The following BLMH variants were observed in gnomAD, a reference collection of about 807,000 sequenced individuals.
BLMH encodes bleomycin hydrolase.
A neutral mutation model predicts 61.6 loss-of-function variants in BLMH; 32 were observed. The ratio of observed to expected loss-of-function variants is 0.52; its 90% confidence interval spans 0.39 to 0.70. The LOEUF (loss-of-function observed/expected upper bound fraction) is 0.70. BLMH is among the 30% of genes least tolerant of loss of function. The probability of loss-of-function intolerance (pLI) is 0.00; values close to 1 mark genes in which losing one functional copy is unlikely to be tolerated. For missense variants in BLMH, 460 were observed against 555.5 expected, an observed-to-expected ratio of 0.83 and a Z score of 1.73; for synonymous variants, 183 against 193.8, an observed-to-expected ratio of 0.94 and a Z score of 0.46.
chr17:30,251,963 T>A (rs1240988411), intron 11 of BLMH: 9 of 152,364 alleles, frequency 5.9e-5, no homozygotes, highest in Admixed American at 1.3e-4. Flanking sequence ...AATTATATTA[T>A]GTAAAAAAAT....
chr17:30,286,979 A>T, intron 4 of BLMH, 77 bp from the exon 5 acceptor site: 1 of 905,692 alleles, frequency 1.1e-6, no homozygotes, highest in Non-Finnish European at 1.7e-6. Context: ...TGTTTCAAAA[A>T]ATAGGCGATA....
At chr17:30,273,165 ATTTTTTT>A in intron 7 of BLMH, 1 of 193,318 alleles carries the variant, frequency 5.2e-6, no homozygotes. Flanking sequence ...TCCAAAAGCA[ATTTTTTT>A]TTTTTTTTTT....
rs1908313497 is a variant in BLMH, at chr17:30,272,865, T to G, written c.836A>C (p.Lys279Thr). 6.2e-7 allele frequency: 1 copy of G among 1,614,048 alleles called. No individual in the cohort carries two copies. Among genetic ancestry groups the G allele is most frequent in the Admixed American group, 1.7e-5 (1 of 59,996 alleles). ...CLVNDPRPQH[K>T]YNKLYTVEYL... is the part of the protein sequence containing the mutation. ...TTCCACTGTGTAAAGTTTGTTGTAC[T>G]TGTGCTGGGGCCTAGGGTCATTCAC... Residue 279 changes from lysine (K) to threonine (T), a missense_variant, in exon 8 of 12, where the codon AAG (lysine) becomes ACG (threonine). Lys to Thr is a moderately conservative substitution (Grantham distance 78). This residue lies in a region of BLMH where 310 missense variants were observed against 371.1 expected (regional missense o/e 0.84). Transcript: ENST00000261714.
intron 4 of BLMH, 98 bp downstream of exon 4, chr17:30,287,708 T>G: frequency 1.4e-6 from 2 of 1,404,994 alleles, no homozygotes. Flanking sequence ...GGAGACCAAT[T>G]CTACTCTGTA....
In BLMH at chr17:30,289,391, G is replaced by A; in HGVS notation, c.303C>T (p.Tyr101=). 1 of 1,606,968 alleles carries A rather than the reference G, an allele frequency of 6.2e-7. No homozygotes were observed. The highest frequency in any genetic ancestry group is 8.5e-7 in the Non-Finnish European group (1 of 1,174,350). ...CCCATACCTTGTCCCAAAAAAACAG[G>A]TAAGATTGGCTAAACTCAAATTCTT... The part of the protein sequence containing the change: ...NIEEFEFSQS[Y]LFFWDKVERC... The change falls in exon 3 of 12, where the codon TAC becomes TAT. Residue 101 remains tyrosine (Y), a synonymous_variant. Transcript: ENST00000261714.
Position 30,249,072 on chromosome 17 carries a change from T to G in BLMH, c.1313A>C (p.Glu438Ala), listed in dbSNP as rs777261372. ...TGCTGGCAGGATAATGGGTTCCTGC[T>G]CTAACACAGCTAGCACCTCTTCAGG... ...HVPEEVLAVL[E>A]QEPIILPAWD... is the part of the protein sequence containing the mutation. The change falls in exon 12 of 12, where the codon GAG (glutamate) becomes GCG (alanine). Residue 438 changes from glutamate (E) to alanine (A), a missense_variant. Glu to Ala is a moderately radical substitution (Grantham distance 107). Coordinates refer to ENST00000261714, the MANE Select transcript of BLMH (RefSeq NM_000386.4). 1.2e-6 allele frequency: 2 copies of G among 1,614,094 alleles called. No individual in the cohort carries two copies. The highest frequency in any genetic ancestry group is 3.3e-5 in the Admixed American group (2 of 60,028).
At chr17:30,264,857 G>T (rs867508106) in intron 11 of BLMH, among the ~76,000 whole-genome samples, 9 of 152,130 alleles carry the variant, frequency 5.9e-5, no homozygotes, top group Admixed American at 2.6e-4. Context: ...TTTAAGACAA[G>T]TATCCATCTC....
At chr17:30,263,546 A>T (rs904072350) in intron 11 of BLMH, among the ~76,000 whole-genome samples, 3 of 152,258 alleles carry the variant, frequency 2.0e-5, no homozygotes, top group African/African-American at 7.2e-5. Flanking sequence ...TCCAATTTTC[A>T]GTACAACTGA....
intron 10 of BLMH, among the ~76,000 whole-genome samples, chr17:30,270,125 C>T (rs150536477): frequency 2.3e-4 from 35 of 152,296 alleles, no homozygotes; most frequent in African/African-American, 7.5e-4. Context: ...GAAAATGTGG[C>T]ATAATGATAT....
intron 6 of BLMH, among the ~76,000 whole-genome samples, chr17:30,274,921 G>C (rs986832435): frequency 1.3e-5 from 2 of 151,910 alleles, no homozygotes; most frequent in Non-Finnish European, 2.9e-5. Context: ...AGAAGCTTCA[G>C]TGAGCCATGA....
intron 11 of BLMH, among the ~76,000 whole-genome samples, chr17:30,250,535 G>A (rs1907642598): frequency 6.6e-6 from 1 of 152,158 alleles, no homozygotes; most frequent in African/African-American, 2.4e-5. Context: ...ACCACAATGT[G>A]ATACCACCTT....
intron 6 of BLMH, among the ~76,000 whole-genome samples, chr17:30,279,336 G>A (rs1416288631): frequency 6.6e-6 from 1 of 152,126 alleles, no homozygotes; most frequent in African/African-American, 2.4e-5. Context: ...TTGTCCCCTG[G>A]GGGCAGTTGT....
intron 11 of BLMH, among the ~76,000 whole-genome samples, chr17:30,254,543 G>A (rs941177532): frequency 1.3e-5 from 2 of 152,170 alleles, no homozygotes; most frequent in South Asian, 2.1e-4. Context: ...AAATAGATTA[G>A]AGTGGCATAT....
chr17:30,255,182 A>G (rs1907780471), intron 11 of BLMH, among the ~76,000 whole-genome samples: 1 of 152,198 alleles, frequency 6.6e-6, no homozygotes, highest in African/African-American at 2.4e-5. Flanking sequence ...CACATATATG[A>G]TAGTGGTTCT....
At chr17:30,278,780 A>G (rs1597664924) in intron 6 of BLMH, among the ~76,000 whole-genome samples, 1 of 152,044 alleles carries the variant, frequency 6.6e-6, no homozygotes, top group African/African-American at 2.4e-5. Context: ...AGCATTTCTC[A>G]TGCCTCAGCC....
At chr17:30,281,085 C>CT (rs1908573579) in intron 6 of BLMH, among the ~76,000 whole-genome samples, 2 of 134,510 alleles carry the variant, frequency 1.5e-5, no homozygotes, top group African/African-American at 5.8e-5. Flanking sequence ...TTTGTTGTTT[C>CT]TTTGTTGTTT....
In BLMH at chr17:30,285,419, A is replaced by G. The variant is rs925251273; in HGVS notation, c.614T>C (p.Ile205Thr). 1 of 1,612,322 alleles carries G rather than the reference A, an allele frequency of 6.2e-7. No homozygotes were observed. The highest frequency in any genetic ancestry group is 1.3e-5 in the African/African-American group (1 of 74,960). Reference sequence around the variant, plus strand: ...CATCATGACGTCCTGTGTGGCCGAGATTTCTCCTTTGGTTGCTCCACTGTG... The same window carrying G: ...CATCATGACGTCCTGTGTGGCCGAGGTTTCTCCTTTGGTTGCTCCACTGTG... ...LVHSGATKGE[I>T]SATQDVMMEE... The change falls in exon 6 of 12, where the codon ATC becomes ACC. Residue 205 changes from isoleucine (I) to threonine (T), a missense_variant. Coordinates refer to ENST00000261714, the MANE Select transcript of BLMH (RefSeq NM_000386.4).
intron 6 of BLMH, among the ~76,000 whole-genome samples, chr17:30,275,223 T>C (rs1908385659): frequency 6.6e-6 from 1 of 151,508 alleles, no homozygotes; most frequent in Non-Finnish European, 1.5e-5. Flanking sequence ...GTCTCAAAAA[T>C]AAAAAGAAGA....
intron 6 of BLMH, among the ~76,000 whole-genome samples, chr17:30,276,738 T>G (rs1387172537): frequency 6.6e-6 from 1 of 152,272 alleles, no homozygotes; most frequent in African/African-American, 2.4e-5. Context: ...ATGTTTAGTG[T>G]GTAAAACACA....
Sources: gnomAD v4.1 joint callset for allele counts (sites outside exome capture counted in the v4.1 genomes callset) on GRCh38, gnomAD v4.1.1 for gene constraint, gnomAD v4.1.1 regional missense constraint, MANE v1.5 for transcripts, NCBI Gene and HGNC (gene_info 2026-07-23, HGNC 2026-07-21) for gene names.